RTTN: variants seen among roughly 807,000 people sequenced by gnomAD.
RTTN encodes the protein rotatin.
In RTTN, 182 loss-of-function variants were observed where a neutral mutation model predicts 269.2. The ratio of observed to expected loss-of-function variants is 0.68; its 90% CI spans 0.60 to 0.76. The LOEUF is 0.76. Ranked by LOEUF, RTTN falls within the 30% of genes least tolerant of loss-of-function variation. RTTN has a pLI of 0.00. For synonymous variants in RTTN, 1,006 were observed against 963.5 expected (o/e 1.04, Z -0.82); for missense variants, 2,545 against 2,608.6 (o/e 0.98, Z 0.53).
chr18:70,205,276 C>G lies in RTTN; in HGVS notation c.71G>C (p.Ser24Thr), dbSNP rs374232490. Residue 24 changes from serine (S) to threonine (T), a missense_variant, in exon 2 of 49, where the codon AGT (serine) becomes ACT (threonine). Coordinates refer to ENST00000640769, the MANE Select transcript of RTTN (RefSeq NM_173630.4). The part of the protein sequence containing the change: ...LAEIRERALK[S>T]ILCKIEHNLI... ...GTTGTGCTCAATCTTGCAGAGAATA[C>G]TCTTGAGAGCGCGCTCCCTGATCTC... is the stretch of plus-strand genomic sequence containing the variant. The G allele has an allele frequency of 1.2e-5, 20 of 1,614,108 alleles. No individual in the cohort carries two copies. Among genetic ancestry groups the G allele is most frequent in the Middle Eastern group, 1.6e-4 (1 of 6,084 alleles).
At chr18:70,076,067 A>G (rs74607349) in intron 32 of RTTN, among the ~76,000 whole-genome samples, 4,063 of 152,094 alleles carry the variant, frequency 0.027, 195 homozygotes, top group African/African-American at 0.093. Context: ...AAACACACAC[A>G]TGTATACATA....
intron 34 of RTTN, among the ~76,000 whole-genome samples, chr18:70,068,860 C>CA (rs921738734): frequency 1.1e-4 from 17 of 152,112 alleles, no homozygotes; most frequent in Non-Finnish European, 2.2e-4. Context: ...CTCGGTAAGA[C>CA]AAAAAAATCT....
intron 25 of RTTN, among the ~76,000 whole-genome samples, chr18:70,125,342 T>C (rs747268165): frequency 6.6e-6 from 1 of 151,998 alleles, no homozygotes; most frequent in Non-Finnish European, 1.5e-5. Context: ...AACTTCAAAA[T>C]ATAATAAGAC....
rs750415176 is a variant in RTTN at position 70,092,255 on chromosome 18, G to A, written c.4033-35C>T. On this transcript the variant is annotated intron_variant, in intron 29 of 48. Coordinates refer to ENST00000640769, the MANE Select transcript of RTTN (RefSeq NM_173630.4). ...AAAAAGGGAAACAGAAATATTTGAG[G>A]TAAGTTTCTAAAAATAAAATGCAGG... is the stretch of plus-strand genomic sequence containing the variant. 141 of 1,310,696 alleles carry A rather than the reference G, an allele frequency of 1.1e-4. No homozygotes were observed. In the East Asian group the frequency reaches 3.0e-3, roughly 28 times the overall value. The allele number at this position is 1,310,696 out of a possible 1,614,324, so 81.2% of individuals were successfully genotyped here.
rs775222880 is a variant in RTTN at position 70,020,812 on chromosome 18, T to A, written c.5956A>T (p.Ser1986Cys). The A allele has an allele frequency of 5.6e-6, 9 of 1,609,400 alleles. No individual in the cohort carries two copies. Among genetic ancestry groups the A allele is most frequent in the Non-Finnish European group, 7.6e-6 (9 of 1,177,676 alleles). Residue 1986 changes from serine to cysteine, a missense_variant, in exon 45 of 49, where the codon AGT (serine) becomes TGT (cysteine). By Grantham distance (112) the Ser-to-Cys change is moderately radical. Coordinates refer to ENST00000640769, the MANE Select transcript of RTTN (RefSeq NM_173630.4). ...VYTANFPNGC[S>C]SLCWSSCGQH... ...CCACAACTTGACCAACAAAGAGAAC[T>A]GCAACCTTCAAAAATAACAGCCTAT...
chr18:70,173,335 A>T (rs1375321569), intron 11 of RTTN, among the ~76,000 whole-genome samples: 1 of 151,972 alleles, frequency 6.6e-6, no homozygotes, highest in Non-Finnish European at 1.5e-5. Context: ...TCTACTAAAA[A>T]TACAAAAATT....
chr18:70,100,385 A>C (rs939711885), intron 28 of RTTN, among the ~76,000 whole-genome samples: 4 of 152,116 alleles, frequency 2.6e-5, no homozygotes, highest in Admixed American at 2.0e-4. Flanking sequence ...TTTGTCTGTT[A>C]TTGGTGTATA....
chr18:70,128,488 A>C lies in RTTN; in HGVS notation c.3013T>G (p.Leu1005Val). 4 of 1,613,290 alleles carry C rather than the reference A, an allele frequency of 2.5e-6. No individual in the cohort carries two copies. Among genetic ancestry groups the C allele is most frequent in the Non-Finnish European group, 3.4e-6 (4 of 1,179,520 alleles). Residue 1005 changes from leucine (L) to valine (V), a missense_variant, in exon 24 of 49, where the codon TTG (leucine) becomes GTG (valine). Leu to Val is a conservative substitution (Grantham distance 32). Coordinates refer to ENST00000640769, the MANE Select transcript of RTTN (RefSeq NM_173630.4). ...GCCAAACAATCAGCAGATAAGGGCA[A>C]AACTATGGAGTAAGGACTCACAGCA... is the stretch of plus-strand genomic sequence containing the variant. The part of the protein sequence containing the change: ...HHAVSPYSIV[L>V]PLSADCLALK...
At chr18:70,198,641 A>G (rs1333462912) in intron 5 of RTTN, among the ~76,000 whole-genome samples, 3 of 152,156 alleles carry the variant, frequency 2.0e-5, no homozygotes, top group Non-Finnish European at 4.4e-5. Flanking sequence ...TATATCAGCT[A>G]TTTACTCTTG....
At chr18:70,006,941 GT>G (rs1025003001) in intron 46 of RTTN, 1 of 153,632 alleles carries the variant, frequency 6.5e-6, no homozygotes, top group South Asian at 2.0e-4. Flanking sequence ...ACTGCTTGAT[GT>G]TTTTTAAAAA....
intron 14 of RTTN, among the ~76,000 whole-genome samples, chr18:70,163,068 T>TGAAAAA (rs1396993932): frequency 8.6e-5 from 1 of 11,682 alleles, no homozygotes; most frequent in Non-Finnish European, 3.5e-4. Flanking sequence ...GTTACTATTA[T>TGAAAAA]TAAAAAAAAA....
intron 10 of RTTN, among the ~76,000 whole-genome samples, chr18:70,186,838 G>A (rs9950568): frequency 0.018 from 2,749 of 152,254 alleles, 74 homozygotes; most frequent in African/African-American, 0.063. Context: ...TGGACCCAAA[G>A]AGGGGAATAA....
intron 32 of RTTN, among the ~76,000 whole-genome samples, chr18:70,085,489 A>G (rs926037778): frequency 3.3e-5 from 5 of 152,324 alleles, no homozygotes; most frequent in Middle Eastern, 3.4e-3. Flanking sequence ...CTCTAAGAGT[A>G]TAGTCTAATT....
chr18:70,168,413 A>G (rs2061048492), intron 12 of RTTN, among the ~76,000 whole-genome samples: 1 of 152,200 alleles, frequency 6.6e-6, no homozygotes, highest in Non-Finnish European at 1.5e-5. Context: ...TCATCACTGT[A>G]CTTAATATAT....
At chr18:70,018,771 A>C (rs772680528) in intron 45 of RTTN, among the ~76,000 whole-genome samples, 8 of 151,212 alleles carry the variant, frequency 5.3e-5, no homozygotes, top group Non-Finnish European at 8.8e-5. Flanking sequence ...TGGGACTGAC[A>C]AGGGTGATAA....
At position 70,105,485 on chromosome 18, in the gene RTTN, C is replaced by T. The variant is rs560814143; in HGVS notation, c.3903+4013G>A. On this transcript the variant is annotated intron_variant, in intron 28 of 48. Coordinates refer to ENST00000640769, the MANE Select transcript of RTTN (RefSeq NM_173630.4). ...CCCCGCCCTGCTTCTGCTCACAGTC[C>T]GTGGGCTGCACCCACTGTCCGACAA... Among the ~76,000 whole-genome samples, 352 of 152,288 alleles carry T rather than the reference C, an allele frequency of 2.3e-3. 1 individual carries two copies. Among genetic ancestry groups the T allele is most frequent in the African/African-American group, 8.1e-3 (337 of 41,560 alleles).
intron 32 of RTTN, among the ~76,000 whole-genome samples, chr18:70,083,251 T>C (rs765984599): frequency 6.6e-6 from 1 of 152,166 alleles, no homozygotes; most frequent in East Asian, 1.9e-4. Flanking sequence ...AGTATGCTTC[T>C]GCATCCACAG....
chr18:70,204,476 G>A (rs987140136), intron 2 of RTTN, among the ~76,000 whole-genome samples: 2 of 152,122 alleles, frequency 1.3e-5, no homozygotes, highest in African/African-American at 2.4e-5. Context: ...TATGAAAGAT[G>A]AGCCAACACA....
intron 21 of RTTN, among the ~76,000 whole-genome samples, chr18:70,135,501 G>A (rs1040160389): frequency 5.9e-5 from 9 of 152,146 alleles, no homozygotes; most frequent in African/African-American, 2.2e-4. Context: ...GGTGGAGCCT[G>A]TGAATGTGAA....
Sources: gnomAD v4.1 joint callset for allele counts (sites outside exome capture counted in the v4.1 genomes callset) on GRCh38, gnomAD v4.1.1 for gene constraint, MANE v1.5 for transcripts, NCBI Gene and HGNC (gene_info 2026-07-23, HGNC 2026-07-21) for gene names.